Variants in PGR observed in about 807,000 individuals in gnomAD.
The protein encoded by PGR is nuclear receptor subfamily 3 group C member 3.
Under a neutral mutation model 76.1 loss-of-function variants are expected in PGR, and 25 were observed. That is an observed-to-expected ratio of 0.33 (90% CI 0.24 to 0.46). The LOEUF (loss-of-function observed/expected upper bound fraction) is 0.46. PGR is among the 20% of genes least tolerant of loss of function. The pLI is 1.00. For synonymous variants in PGR, 579 were observed against 535.0 expected, an observed-to-expected ratio of 1.08 and a Z score of -1.14; for missense variants, 1,172 against 1,225.3, an observed-to-expected ratio of 0.96 and a Z score of 0.65.
chr11:101,048,193 T>C (rs183597453), intron 6 of PGR, among the ~76,000 whole-genome samples: 48 of 152,338 alleles, frequency 3.2e-4, no homozygotes, highest in African/African-American at 8.2e-4. Flanking sequence ...ACCACTATTA[T>C]ATTAAGATGC....
At position 101,035,509 on chromosome 11, in the gene PGR, A is replaced by G. The variant is rs1359486271; in HGVS notation, c.*3607T>C. The G allele has an allele frequency of 8.6e-6, 2 of 232,054 alleles. No homozygotes were observed. The highest frequency in any genetic ancestry group is 1.7e-5 in the Non-Finnish European group (2 of 117,410). The allele number at this position is 232,054 out of a possible 1,614,324, so 14.4% of individuals were successfully genotyped here. A position where few individuals can be genotyped will look rare whatever the true frequency, so the allele number is the denominator to read the frequency against. ...AGGGATAGGGATGTTTTTTGGGTTG[A>G]TGACTTCATTGTAATTTCTAAACCC... On this transcript the variant is annotated 3_prime_UTR_variant, in exon 8 of 8. Coordinates refer to ENST00000325455, the MANE Select transcript of PGR (RefSeq NM_000926.4).
At chr11:101,056,359 G>T (rs1316970139) in intron 4 of PGR, among the ~76,000 whole-genome samples, 1 of 152,118 alleles carries the variant, frequency 6.6e-6, no homozygotes, top group African/African-American at 2.4e-5. Flanking sequence ...ATGGCCTGGG[G>T]CTGGGTGTGG....
intron 2 of PGR, among the ~76,000 whole-genome samples, chr11:101,123,305 A>G (rs751444015): frequency 4.6e-5 from 7 of 152,220 alleles, no homozygotes; most frequent in Non-Finnish European, 1.0e-4. Flanking sequence ...ATTAGTATCC[A>G]TATTGTTGCC....
chr11:101,053,242 A>T (rs1860159553), intron 4 of PGR, among the ~76,000 whole-genome samples: 1 of 152,182 alleles, frequency 6.6e-6, no homozygotes, highest in African/African-American at 2.4e-5. Flanking sequence ...AGCTATCAAG[A>T]GCAAAAGAAA....
intron 2 of PGR, among the ~76,000 whole-genome samples, chr11:101,112,150 A>C (rs1489526352): frequency 1.3e-5 from 2 of 152,340 alleles, no homozygotes; most frequent in African/African-American, 4.8e-5. Flanking sequence ...GGAGTGACAG[A>C]GGTCAACAAC....
chr11:101,086,471 C>CA (rs2135448849), intron 3 of PGR, among the ~76,000 whole-genome samples: 1 of 152,098 alleles, frequency 6.6e-6, no homozygotes, highest in African/African-American at 2.4e-5. Context: ...ATGACAAACT[C>CA]ACAACCAATA....
chr11:101,128,169 A>C lies in PGR; in HGVS notation c.902T>G (p.Met301Arg), dbSNP rs11571146. ...CAGGATAGGCACGTGGATGAAATCC[A>C]TCACCGTGGTGGCCAGCGGGGAGCG... ...PGRSPLATTVMDFIHVPILPL... is the reference protein window; with the variant it reads ...PGRSPLATTVRDFIHVPILPL... The change falls in exon 1 of 8, where the codon ATG becomes AGG. Residue 301 changes from methionine (M) to arginine (R), a missense_variant. By Grantham distance (91) the Met-to-Arg change is moderately conservative. Transcript: ENST00000325455. The C allele has an allele frequency of 3.3e-5, 53 of 1,597,610 alleles. No individual in the cohort carries two copies. Among genetic ancestry groups the C allele is most frequent in the Non-Finnish European group, 4.3e-5 (51 of 1,179,538 alleles).
chr11:101,084,044 G>A (rs900707614), intron 3 of PGR, among the ~76,000 whole-genome samples: 2 of 152,122 alleles, frequency 1.3e-5, no homozygotes, highest in Non-Finnish European at 2.9e-5. Context: ...GGAGGAACCT[G>A]GTAGGAGGTT....
intron 7 of PGR, among the ~76,000 whole-genome samples, chr11:101,040,738 T>G: frequency 6.6e-6 from 1 of 152,028 alleles, no homozygotes; most frequent in East Asian, 1.9e-4. Flanking sequence ...AGTTCAATTG[T>G]GCAGTGCCTC....
At chr11:101,098,453 A>G (rs1330832979) in intron 2 of PGR, among the ~76,000 whole-genome samples, 2 of 152,214 alleles carry the variant, frequency 1.3e-5, no homozygotes, top group African/African-American at 4.8e-5. Flanking sequence ...TCAGTATGGT[A>G]TGACCCACAA....
intron 3 of PGR, among the ~76,000 whole-genome samples, chr11:101,077,179 CAGTCATCCTT>C (rs1314100382): frequency 6.6e-6 from 1 of 151,998 alleles, no homozygotes; most frequent in Non-Finnish European, 1.5e-5. Context: ...AATTTATAGA[CAGTCATCCTT>C]ACACTACCTA....
At chr11:101,091,682 GA>G in intron 3 of PGR, 77 bp downstream of exon 3, 1 of 829,618 alleles carries the variant, frequency 1.2e-6, no homozygotes, top group African/African-American at 1.7e-5. Flanking sequence ...AGATGAATAA[GA>G]AATTGCAATT....
At chr11:101,098,493 C>G (rs893503436) in intron 2 of PGR, among the ~76,000 whole-genome samples, 1 of 151,968 alleles carries the variant, frequency 6.6e-6, no homozygotes, top group Non-Finnish European at 1.5e-5. Context: ...ATGAGCTGGT[C>G]CATATGAGGG....
At chr11:101,105,387 T>G (rs549493915) in intron 2 of PGR, among the ~76,000 whole-genome samples, 5 of 151,692 alleles carry the variant, frequency 3.3e-5, no homozygotes, top group African/African-American at 1.2e-4. Flanking sequence ...GGAATAAGAG[T>G]GGCTTAAACC....
intron 2 of PGR, among the ~76,000 whole-genome samples, chr11:101,119,961 G>A (rs1417550431): frequency 2.6e-5 from 4 of 152,096 alleles, no homozygotes; most frequent in Non-Finnish European, 5.9e-5. Context: ...CCACCTCAAA[G>A]GACTCTTACA....
rs1006031766 is a variant in PGR, at chr11:101,035,733, A to G, written c.*3383T>C. On this transcript the variant is annotated 3_prime_UTR_variant, in exon 8 of 8. Coordinates refer to ENST00000325455, the MANE Select transcript of PGR (RefSeq NM_000926.4). Reference sequence around the variant, plus strand: ...TGATAAAACAGGCCCTAAACTCAAAACACTGTATTTTTTCAGCAGAAGAAA... The same window carrying G: ...TGATAAAACAGGCCCTAAACTCAAAGCACTGTATTTTTTCAGCAGAAGAAA... 5 of 231,966 alleles carry G rather than the reference A, an allele frequency of 2.2e-5. No individual in the cohort carries two copies. The highest frequency in any genetic ancestry group is 4.3e-5 in the Non-Finnish European group (5 of 117,384). 14.4% of individuals were successfully genotyped at this position (231,966 alleles called of 1,614,324 possible). A position where few individuals can be genotyped will look rare whatever the true frequency, so the allele number is the denominator to read the frequency against.
chr11:101,079,049 TA>T (rs1861219178), intron 3 of PGR, among the ~76,000 whole-genome samples: 1 of 152,104 alleles, frequency 6.6e-6, no homozygotes, highest in African/African-American at 2.4e-5. Flanking sequence ...ATCTCTTCAA[TA>T]AATGCTGCTG....
chr11:101,050,665 C>T (rs1292510225), intron 5 of PGR, among the ~76,000 whole-genome samples: 2 of 152,028 alleles, frequency 1.3e-5, no homozygotes, highest in African/African-American at 2.4e-5. Context: ...ATAATGTCCA[C>T]ATTAGTCAAA....
chr11:101,128,685 G>A lies in PGR; in HGVS notation c.386C>T (p.Pro129Leu). Residue 129 changes from proline (P) to leucine (L), a missense_variant, in exon 1 of 8, where the codon CCC becomes CTC. By Grantham distance (98) the Pro-to-Leu change is moderately conservative. Transcript: ENST00000325455. Reference sequence around the variant, plus strand: ...GGTGACCTCGCAGGCGGGAGGGCTGGGTTGGCTCTGCCCGGGACCTGAGGG... The same window carrying A: ...GGTGACCTCGCAGGCGGGAGGGCTGAGTTGGCTCTGCCCGGGACCTGAGGG... ...LAPSGPGQSQ[P>L]SPPACEVTSS... 1 of 1,602,172 alleles carries A rather than the reference G, an allele frequency of 6.2e-7. No homozygotes were observed. The highest frequency in any genetic ancestry group is 8.5e-7 in the Non-Finnish European group (1 of 1,175,222).
Sources: gnomAD v4.1 joint callset for allele counts (sites outside exome capture counted in the v4.1 genomes callset) on GRCh38, gnomAD v4.1.1 for gene constraint, MANE v1.5 for transcripts, NCBI Gene and HGNC (gene_info 2026-07-23, HGNC 2026-07-21) for gene names.